The following MRPL1 variants were observed in gnomAD, a reference collection of about 807,000 sequenced individuals.
The protein encoded by MRPL1 is mitochondrial ribosomal protein L1, also known as large ribosomal subunit protein uL1m.
MRPL1 carries 28 observed loss-of-function variants against 38.0 expected under a neutral mutation model. That is an observed-to-expected ratio of 0.74 (90% confidence interval 0.55 to 1.01). MRPL1 has a LOEUF of 1.01. MRPL1 is among the 50% of genes least tolerant of loss of function. The pLI, the probability that MRPL1 is intolerant of heterozygous loss-of-function variation, is 0.00. For missense variants in MRPL1, 358 were observed against 389.8 expected, an observed-to-expected ratio of 0.92 and a Z score of 0.69; for synonymous variants, 123 against 126.7, an observed-to-expected ratio of 0.97 and a Z score of 0.20.
intron 2 of MRPL1, among the ~76,000 whole-genome samples, chr4:77,876,495 G>A (rs1194287685): frequency 2.0e-5 from 3 of 152,108 alleles, no homozygotes; most frequent in Non-Finnish European, 4.4e-5. Flanking sequence ...AAAACCTAGA[G>A]AGCATAGAAC....
chr4:77,884,743 A>G (rs1029842261), intron 3 of MRPL1, among the ~76,000 whole-genome samples: 3 of 152,242 alleles, frequency 2.0e-5, no homozygotes, highest in African/African-American at 7.2e-5. Flanking sequence ...CCTACTGGGC[A>G]GATCAGCTGG....
intron 2 of MRPL1, among the ~76,000 whole-genome samples, chr4:77,875,694 G>GT (rs1299863768): frequency 6.6e-6 from 1 of 152,090 alleles, no homozygotes; most frequent in Non-Finnish European, 1.5e-5. Context: ...TGGTTGAAAG[G>GT]TATTTCGGTA....
At chr4:77,920,429 G>A (rs758269546) in intron 7 of MRPL1, among the ~76,000 whole-genome samples, 3 of 152,078 alleles carry the variant, frequency 2.0e-5, no homozygotes, top group African/African-American at 7.2e-5. Context: ...AATCTAAAGA[G>A]AAATTAATCC....
intron 6 of MRPL1, among the ~76,000 whole-genome samples, chr4:77,904,365 C>G (rs967305279): frequency 2.8e-4 from 43 of 151,716 alleles, no homozygotes; most frequent in Middle Eastern, 3.4e-3. Flanking sequence ...ACCAGCATGA[C>G]CAACATGGTG....
intron 7 of MRPL1, among the ~76,000 whole-genome samples, chr4:77,943,681 A>G (rs1737186888): frequency 6.6e-6 from 1 of 151,964 alleles, no homozygotes; most frequent in African/African-American, 2.4e-5. Flanking sequence ...TTTACAGTGC[A>G]TTTTGCATTT....
chr4:77,917,490 C>G (rs1358864933), intron 7 of MRPL1, among the ~76,000 whole-genome samples: 1 of 151,954 alleles, frequency 6.6e-6, no homozygotes, highest in African/African-American at 2.4e-5. Flanking sequence ...AAAAAATTAT[C>G]CTTATTTTTT....
intron 7 of MRPL1, among the ~76,000 whole-genome samples, chr4:77,946,169 C>T (rs1478575777): frequency 6.6e-6 from 1 of 152,048 alleles, no homozygotes; most frequent in African/African-American, 2.4e-5. Context: ...CAATTCTTTT[C>T]CTAGGGTCTT....
intron 3 of MRPL1, among the ~76,000 whole-genome samples, chr4:77,884,079 A>G (rs1455186059): frequency 1.3e-5 from 2 of 152,162 alleles, no homozygotes; most frequent in African/African-American, 4.8e-5. Flanking sequence ...TAGTGTTAAA[A>G]TTAACGGAGG....
intron 1 of MRPL1, 44 bp downstream of exon 1, chr4:77,862,923 G>T: frequency 6.2e-7 from 1 of 1,613,170 alleles, no homozygotes; most frequent in Non-Finnish European, 8.5e-7. Context: ...CTCTGGCACC[G>T]AGTCTCTGGT....
intron 1 of MRPL1, among the ~76,000 whole-genome samples, chr4:77,871,261 G>A (rs1021107058): frequency 3.3e-5 from 5 of 150,150 alleles, no homozygotes; most frequent in Non-Finnish European, 7.4e-5. Flanking sequence ...AATATTAGAT[G>A]TATTTACCTG....
intron 3 of MRPL1, among the ~76,000 whole-genome samples, chr4:77,884,617 T>A (rs1055220580): frequency 2.6e-5 from 4 of 152,248 alleles, no homozygotes; most frequent in Non-Finnish European, 5.9e-5. Flanking sequence ...GATGATGGTC[T>A]AGGTTGTTTC....
Position 77,867,857 on chromosome 4 carries a change from C to T in MRPL1, c.32-3887C>T, listed in dbSNP as rs992608400. 4.7e-5 allele frequency among the ~76,000 whole-genome samples: 7 copies of T among 147,798 alleles called. No individual in the cohort carries two copies. The East Asian group carries it at 8.2e-4, about 17-fold the overall frequency. ...CTGCCAGCTCTGCCTTCCGGGTTCA[C>T]GCCGTTCTCCTGCTTCAGCCTCCCG... is the stretch of plus-strand genomic sequence containing the variant. On this transcript the variant is annotated intron_variant, in intron 1 of 8. Transcript: ENST00000315567.
chr4:77,888,520 A>G (rs1450424365), intron 5 of MRPL1, among the ~76,000 whole-genome samples: 3 of 152,108 alleles, frequency 2.0e-5, no homozygotes, highest in Non-Finnish European at 4.4e-5. Flanking sequence ...ATAAATAAAT[A>G]AAATAAATAA....
chr4:77,889,106 G>A (rs1244069521), intron 5 of MRPL1, among the ~76,000 whole-genome samples: 1 of 152,110 alleles, frequency 6.6e-6, no homozygotes, highest in Non-Finnish European at 1.5e-5. Flanking sequence ...TCCAGGAATT[G>A]AACTCAGCTC....
At chr4:77,883,160 TCTCTTATGTACACTGGC>T in intron 2 of MRPL1, 65 bp from the exon 3 acceptor site, 1 of 871,502 alleles carries the variant, frequency 1.1e-6, no homozygotes, top group East Asian at 2.9e-5. Flanking sequence ...TGTTTTTTTT[TCTCTTATGTACACTGGC>T]TTTTTTTTTA....
rs1737438452 is a variant in MRPL1, at chr4:77,952,699, T to C, written c.*92T>C. On this transcript the variant is annotated 3_prime_UTR_variant, in exon 9 of 9. Coordinates refer to ENST00000315567, the MANE Select transcript of MRPL1 (RefSeq NM_020236.4). ...AATTTTTACATTTGATGTCTTGTTA[T>C]TGATCATACTTGAAAGTGAACTTTA... 1 of 744,868 alleles carries C rather than the reference T, an allele frequency of 1.3e-6. No homozygotes were observed. Among genetic ancestry groups the C allele is most frequent in the Non-Finnish European group, 2.2e-6 (1 of 453,614 alleles). 46.1% of individuals were successfully genotyped at this position (744,868 alleles called of 1,614,324 possible).
intron 1 of MRPL1, among the ~76,000 whole-genome samples, chr4:77,871,143 C>T (rs1310032531): frequency 1.3e-5 from 2 of 152,000 alleles, no homozygotes; most frequent in Non-Finnish European, 2.9e-5. Context: ...CCCACTTGAA[C>T]CCAGGAGTTC....
chr4:77,879,471 C>G (rs1735487804), intron 2 of MRPL1, among the ~76,000 whole-genome samples: 1 of 152,126 alleles, frequency 6.6e-6, no homozygotes, highest in Non-Finnish European at 1.5e-5. Context: ...ATCAGACTTT[C>G]ATTGAATTTT....
chr4:77,887,557 T>C (rs949365448), intron 5 of MRPL1, among the ~76,000 whole-genome samples: 12 of 152,204 alleles, frequency 7.9e-5, no homozygotes, highest in Non-Finnish European at 1.8e-4. Flanking sequence ...ACAAGGTCTC[T>C]CTCTGTTGTC....
Sources: allele counts gnomAD v4.1 joint callset (sites outside exome capture counted in the v4.1 genomes callset), GRCh38; gene constraint gnomAD v4.1.1; transcripts MANE v1.5; gene names NCBI Gene and HGNC (gene_info 2026-07-23, HGNC 2026-07-21).